STRBP: variants seen among roughly 807,000 people sequenced by gnomAD.
STRBP encodes spermatid perinuclear RNA-binding protein.
In STRBP, 13 loss-of-function variants were observed where a neutral mutation model predicts 80.1. The ratio of observed to expected loss-of-function variants is 0.16; its 90% CI spans 0.11 to 0.26. The LOEUF (loss-of-function observed/expected upper bound fraction) is 0.26. Among genes scored for constraint, STRBP ranks in the 10% least tolerant of loss-of-function variants. The probability of loss-of-function intolerance (pLI) is 1.00; values close to 1 mark genes in which losing one functional copy is unlikely to be tolerated. For missense variants in STRBP, 485 were observed against 815.2 expected (o/e 0.59, Z 4.93); for synonymous variants, 284 against 291.2 (o/e 0.98, Z 0.25).
chr9:123,123,498 A>C lies in STRBP; in HGVS notation c.*2099T>G, dbSNP rs1178907350. ...GTTTGCAGCAACTGGGCAGGTTTAC[A>C]ACATGGTTAGTAACTTCCAACAAAC... On this transcript the variant is annotated 3_prime_UTR_variant, in exon 19 of 19. Transcript: ENST00000348403. 1.0e-6 allele frequency: 1 copy of C among 984,134 alleles called. No homozygotes were observed. Among genetic ancestry groups the C allele is most frequent in the Non-Finnish European group, 1.2e-6 (1 of 829,836 alleles). 61.0% of individuals were successfully genotyped at this position (984,134 alleles called of 1,614,324 possible). A position where few individuals can be genotyped will look rare whatever the true frequency, so the allele number is the denominator to read the frequency against.
rs1463319107 is a variant in STRBP, at chr9:123,126,344, A to G, written c.1943-671T>C. Among the ~76,000 whole-genome samples, 1 of 152,226 alleles carries G rather than the reference A, an allele frequency of 6.6e-6. No homozygotes were observed. The highest frequency in any genetic ancestry group is 1.9e-4 in the East Asian group (1 of 5,204). On this transcript the variant is annotated intron_variant, in intron 18 of 18. Coordinates refer to ENST00000348403, the MANE Select transcript of STRBP (RefSeq NM_018387.5). This position sits in a 1 kb window ranked among gnomAD's most constrained non-coding sequence, Gnocchi z 4.4. Reference sequence around the variant, plus strand: ...TCAGAGGGAAATTACCCCACATGCAACAGCTTTACAAAGGCCAAAAGACAT... The same window carrying G: ...TCAGAGGGAAATTACCCCACATGCAGCAGCTTTACAAAGGCCAAAAGACAT...
intron 13 of STRBP, among the ~76,000 whole-genome samples, chr9:123,141,706 A>G (rs1267582330): frequency 3.9e-5 from 6 of 152,200 alleles, no homozygotes; most frequent in Non-Finnish European, 5.9e-5. Context: ...CACATATCAG[A>G]TTCACTTATT....
chr9:123,248,524 C>G (rs2040847766), intron 1 of STRBP, among the ~76,000 whole-genome samples: 1 of 152,054 alleles, frequency 6.6e-6, no homozygotes. Context: ...CCTGCCTCAG[C>G]CTCCCAAAGT....
At chr9:123,252,753 T>A (rs954050285) in intron 1 of STRBP, among the ~76,000 whole-genome samples, 10 of 152,322 alleles carry the variant, frequency 6.6e-5, no homozygotes, top group African/African-American at 2.4e-4. Context: ...TAAAAAAATC[T>A]CTTTGTCCAA....
intron 3 of STRBP, among the ~76,000 whole-genome samples, chr9:123,183,138 A>G (rs968727684): frequency 6.6e-6 from 1 of 151,944 alleles, no homozygotes; most frequent in Admixed American, 6.6e-5. Context: ...CTCACTGGTA[A>G]TGTGTTTTTA....
chr9:123,252,012 T>C (rs983948599), intron 1 of STRBP, among the ~76,000 whole-genome samples: 5 of 151,782 alleles, frequency 3.3e-5, no homozygotes, highest in African/African-American at 1.2e-4. Flanking sequence ...CATCATTAGC[T>C]TGCATAGCAC....
intron 2 of STRBP, among the ~76,000 whole-genome samples, chr9:123,192,269 T>C (rs1307467035): frequency 3.3e-5 from 5 of 152,066 alleles, no homozygotes; most frequent in Admixed American, 3.3e-4. Context: ...TAGTTTGGTA[T>C]GTGAAGCCAC....
intron 6 of STRBP, 27 bp downstream of exon 6, chr9:123,169,873 CAT>C (rs59261791): frequency 0.033 from 30,539 of 938,756 alleles, no homozygotes; most frequent in East Asian, 0.1. Flanking sequence ...CAAATATATA[CAT>C]ATATATATAT....
rs1387529705 is a variant in STRBP at position 123,124,669 on chromosome 9, A to G, written c.*928T>C. 6.1e-6 allele frequency: 6 copies of G among 985,372 alleles called. No homozygotes were observed. The highest frequency in any genetic ancestry group is 1.7e-5 in the African/African-American group (1 of 57,258). The allele number at this position is 985,372 out of a possible 1,614,324, so 61.0% of individuals were successfully genotyped here. A position where few individuals can be genotyped will look rare whatever the true frequency, so the allele number is the denominator to read the frequency against. On this transcript the variant is annotated 3_prime_UTR_variant, in exon 19 of 19. Coordinates refer to ENST00000348403, the MANE Select transcript of STRBP (RefSeq NM_018387.5). ...TGAAAAAAGCCAGGGAGTGAACACA[A>G]TATCTTACAGAGTGAAGAAGGCCAC...
rs977373857 is a variant in STRBP, at chr9:123,183,142, G to A, written c.3+990C>T. On this transcript the variant is annotated intron_variant, in intron 3 of 18. Coordinates refer to ENST00000348403, the MANE Select transcript of STRBP (RefSeq NM_018387.5). Reference sequence around the variant, plus strand: ...CTGCTTTTTCTCTCACTGGTAATGTGTTTTTAAAATCTTGGCCAGGCACGG... The same window carrying A: ...CTGCTTTTTCTCTCACTGGTAATGTATTTTTAAAATCTTGGCCAGGCACGG... Among the ~76,000 whole-genome samples the A allele has an allele frequency of 3.9e-5, 6 of 151,972 alleles. No individual in the cohort carries two copies. In the South Asian group the frequency reaches 1.0e-3, roughly 26 times the overall value.
intron 6 of STRBP, among the ~76,000 whole-genome samples, chr9:123,163,356 T>G (rs375723831): frequency 6.6e-6 from 1 of 152,220 alleles, no homozygotes. Context: ...AACCACAAAC[T>G]CTTATTTTAG....
chr9:123,263,737 A>G (rs1304701790), intron 1 of STRBP, among the ~76,000 whole-genome samples: 1 of 152,210 alleles, frequency 6.6e-6, no homozygotes, highest in African/African-American at 2.4e-5. Context: ...AACTTGAAAA[A>G]GGAAGGAGTA....
intron 4 of STRBP, 80 bp downstream of exon 4, chr9:123,178,927 T>TA: frequency 1.5e-6 from 2 of 1,375,686 alleles, no homozygotes; most frequent in East Asian, 4.6e-5. Context: ...AAAAACAGCA[T>TA]AACACACACT....
At chr9:123,153,650 C>T (rs148023565) in intron 11 of STRBP, among the ~76,000 whole-genome samples, 8 of 152,178 alleles carry the variant, frequency 5.3e-5, no homozygotes, top group Admixed American at 1.3e-4. Flanking sequence ...AAAGGGAGAG[C>T]GAGGGCAGGA....
chr9:123,155,681 T>C (rs2037253492), intron 11 of STRBP, among the ~76,000 whole-genome samples: 1 of 151,578 alleles, frequency 6.6e-6, no homozygotes, highest in South Asian at 2.1e-4. Flanking sequence ...AACATGATTA[T>C]GGAAATAATA....
At chr9:123,233,109 GTCA>G (rs1307990439) in intron 2 of STRBP, among the ~76,000 whole-genome samples, 3 of 152,094 alleles carry the variant, frequency 2.0e-5, no homozygotes, top group East Asian at 3.8e-4. Flanking sequence ...GTCTTGCTTT[GTCA>G]TCTATGCTGG....
chr9:123,202,228 T>C (rs1212881679), intron 2 of STRBP, among the ~76,000 whole-genome samples: 3 of 152,232 alleles, frequency 2.0e-5, no homozygotes, highest in East Asian at 1.9e-4. Context: ...AATGCTAATA[T>C]TGAGATGTGA....
intron 17 of STRBP, among the ~76,000 whole-genome samples, 158 bp from the exon 18 acceptor site, chr9:123,128,416 ACT>A (rs1439316731): frequency 2.0e-5 from 3 of 151,984 alleles, no homozygotes; most frequent in Non-Finnish European, 4.4e-5. Flanking sequence ...CAGTCTAGCC[ACT>A]CTCTGTGTGC....
At chr9:123,170,169 A>G in intron 5 of STRBP, 123 bp from the exon 6 acceptor site, 1 of 911,848 alleles carries the variant, frequency 1.1e-6, no homozygotes, top group Non-Finnish European at 1.6e-6. Flanking sequence ...TCAAAGGGCA[A>G]AGAAAGCCTG....
Sources: allele counts gnomAD v4.1 joint callset (sites outside exome capture counted in the v4.1 genomes callset), GRCh38; gene constraint gnomAD v4.1.1; non-coding constraint Gnocchi (gnomAD v3.1); transcripts MANE v1.5; gene names NCBI Gene and HGNC (gene_info 2026-07-23, HGNC 2026-07-21).